Variants in PLEKHM2 observed in about 807,000 individuals in gnomAD.
The protein encoded by PLEKHM2 is pleckstrin homology domain-containing family M member 2.
Under a neutral mutation model 116.3 loss-of-function variants are expected in PLEKHM2, and 77 were observed. The ratio of observed to expected loss-of-function variants is 0.66; its 90% CI spans 0.55 to 0.80. The LOEUF (loss-of-function observed/expected upper bound fraction) is 0.80. Ranked by LOEUF, PLEKHM2 falls within the 30% of genes least tolerant of loss-of-function variation. The probability of loss-of-function intolerance (pLI) is 0.00; values close to 1 mark genes in which losing one functional copy is unlikely to be tolerated. For synonymous variants in PLEKHM2, 562 were observed against 571.0 expected, an observed-to-expected ratio of 0.98 and a Z score of 0.22; for missense variants, 1,183 against 1,354.9, an observed-to-expected ratio of 0.87 and a Z score of 1.99.
In PLEKHM2 at chr1:15,719,777, A is replaced by G; in HGVS notation, c.509A>G (p.Tyr170Cys). 7 of 1,613,622 alleles carry G rather than the reference A, an allele frequency of 4.3e-6. No homozygotes were observed. The highest frequency in any genetic ancestry group is 5.9e-6 in the Non-Finnish European group (7 of 1,179,718). The change falls in exon 6 of 20, where the codon TAC becomes TGC. Residue 170 changes from tyrosine to cysteine, a missense_variant. Tyr to Cys is a radical substitution (Grantham distance 194). This residue lies in a region of PLEKHM2 where 217 missense variants were observed against 277.6 expected (regional missense o/e 0.78). Transcript: ENST00000375799. This position sits in a 1 kb window ranked among gnomAD's most constrained non-coding sequence, Gnocchi z 4.1. ...LDLAPYMPDY[Y>C]KPQYLLDFED... ...CTGGCCCCCTACATGCCCGACTACT[A>G]CAAACCTCAGTACCTGCTGGACTTT...
intron 1 of PLEKHM2, among the ~76,000 whole-genome samples, chr1:15,689,594 T>C (rs1640847379): frequency 6.6e-6 from 1 of 152,228 alleles, no homozygotes; most frequent in South Asian, 2.1e-4. Flanking sequence ...CTTCTACTAA[T>C]GCTATAATGA....
rs1344560913 is a variant in PLEKHM2, at chr1:15,725,398, C to T, written c.794C>T (p.Pro265Leu). Reference sequence around the variant, plus strand: ...AGCAGCAAGGCCTCCACCAGGAGCCCCACCCAGCGCCAGAACCCCTTCAAC... The same window carrying T: ...AGCAGCAAGGCCTCCACCAGGAGCCTCACCCAGCGCCAGAACCCCTTCAAC... Reference protein sequence around the residue: ...LTSSKASTRSPTQRQNPFNEE... With the variant: ...LTSSKASTRSLTQRQNPFNEE... Residue 265 changes from proline to leucine, a missense_variant, in exon 8 of 20, where the codon CCC (proline) becomes CTC (leucine). This residue lies in a region of PLEKHM2 where 372 missense variants were observed against 357.2 expected (regional missense o/e 1.04). Transcript: ENST00000375799. 16 of 1,552,630 alleles carry T rather than the reference C, an allele frequency of 1.0e-5. No individual in the cohort carries two copies. Among genetic ancestry groups the T allele is most frequent in the African/African-American group, 1.4e-5 (1 of 73,086 alleles).
intron 6 of PLEKHM2, chr1:15,720,308 T>C: frequency 2.0e-6 from 2 of 984,718 alleles, no homozygotes; most frequent in Non-Finnish European, 2.4e-6. Flanking sequence ...CCCCACATTC[T>C]TTGCAGAAGG....
At chr1:15,702,717 C>CTT (rs34226783) in intron 1 of PLEKHM2, among the ~76,000 whole-genome samples, 13 of 89,920 alleles carry the variant, frequency 1.4e-4, no homozygotes, top group Non-Finnish European at 2.1e-4. Context: ...CGTGCCCAGC[C>CTT]TTTTTTTTTT....
rs537713478 is a variant in PLEKHM2 at position 15,719,276 on chromosome 1, C to T, written c.466-458C>T. Among the ~76,000 whole-genome samples the T allele has an allele frequency of 6.6e-6, 1 of 152,116 alleles. No homozygotes were observed. Among genetic ancestry groups the T allele is most frequent in the Non-Finnish European group, 1.5e-5 (1 of 68,034 alleles). On this transcript the variant is annotated intron_variant, in intron 5 of 19. Coordinates refer to ENST00000375799, the MANE Select transcript of PLEKHM2 (RefSeq NM_015164.4). The surrounding 1 kb of genome is among the most constrained non-coding windows in gnomAD (Gnocchi z 4.1). ...ACCAGCCTGGCCAACATGGCGAAACCTCGTCTCTACTAAAAAAATACAAAA... is the reference window on the plus strand; with the variant it reads ...ACCAGCCTGGCCAACATGGCGAAACTTCGTCTCTACTAAAAAAATACAAAA...
In PLEKHM2 at chr1:15,684,453, C is replaced by G; in HGVS notation, c.-106C>G. 1 of 589,238 alleles carries G rather than the reference C, an allele frequency of 1.7e-6. No individual in the cohort carries two copies. Among genetic ancestry groups the G allele is most frequent in the Non-Finnish European group, 2.1e-6 (1 of 469,890 alleles). The allele number at this position is 589,238 out of a possible 1,614,324, so 36.5% of individuals were successfully genotyped here. A position where few individuals can be genotyped will look rare whatever the true frequency, so the allele number is the denominator to read the frequency against. On this transcript the variant is annotated 5_prime_UTR_variant, in exon 1 of 20. Transcript: ENST00000375799. ...CGGCCGGCACGACGGAGCCCCCGTA[C>G]GGCCGGCGGCAGCGGTTGGCGGCGG...
intron 1 of PLEKHM2, among the ~76,000 whole-genome samples, chr1:15,707,267 T>C (rs939004057): frequency 9.1e-6 from 1 of 110,004 alleles, no homozygotes; most frequent in Non-Finnish European, 1.7e-5. Flanking sequence ...ACAAAAAAAA[T>C]ACAAAAAAAA....
In PLEKHM2 at chr1:15,729,015, C is replaced by G. The variant is rs1275222894; in HGVS notation, c.1987-87C>G. On this transcript the variant is annotated intron_variant, in intron 12 of 19. Coordinates refer to ENST00000375799, the MANE Select transcript of PLEKHM2 (RefSeq NM_015164.4). This position sits in a 1 kb window ranked among gnomAD's most constrained non-coding sequence, Gnocchi z 4.7. ...TGGCCCGGGGTGTGCTTCTTCCTCC[C>G]CAGCAAGCGCTCAGCCTGGCCAAGC... is the stretch of plus-strand genomic sequence containing the variant. The G allele has an allele frequency of 7.9e-7, 1 of 1,265,186 alleles. No individual in the cohort carries two copies. The highest frequency in any genetic ancestry group is 1.1e-6 in the Non-Finnish European group (1 of 889,082). 78.4% of individuals were successfully genotyped at this position (1,265,186 alleles called of 1,614,324 possible).
In PLEKHM2 at chr1:15,729,416, G is replaced by A. The variant is rs1217540535; in HGVS notation, c.2075+226G>A. Reference sequence around the variant, plus strand: ...TGACCTCAGCCCCTGGCGACTCTTGGGGGTGCTAGCATGAGTTGTTGGACA... The same window carrying A: ...TGACCTCAGCCCCTGGCGACTCTTGAGGGTGCTAGCATGAGTTGTTGGACA... On this transcript the variant is annotated intron_variant, in intron 13 of 19. Transcript: ENST00000375799. The surrounding 1 kb of genome is among the most constrained non-coding windows in gnomAD (Gnocchi z 4.7). 1.3e-5 allele frequency among the ~76,000 whole-genome samples: 2 copies of A among 152,140 alleles called. No homozygotes were observed. The highest frequency in any genetic ancestry group is 2.4e-5 in the African/African-American group (1 of 41,418).
chr1:15,725,515 C>T lies in PLEKHM2; in HGVS notation c.911C>T (p.Pro304Leu), dbSNP rs1053888190. ...EKEEAQALDPPDACTELEVIR... is the reference protein window; with the variant it reads ...EKEEAQALDPLDACTELEVIR... ...GAGGAGGCCCAGGCCCTGGACCCGC[C>T]GGATGCCTGCACGGAGCTCGAGGTC... Residue 304 changes from proline (P) to leucine (L), a missense_variant, in exon 8 of 20, where the codon CCG becomes CTG. Physicochemically the swap from Pro to Leu is moderately conservative, Grantham distance 98 (BLOSUM62 -3). Around this residue, in one of 3 missense-constraint regions of PLEKHM2, gnomAD observed 372 missense variants for 357.2 expected, o/e 1.04. Coordinates refer to ENST00000375799, the MANE Select transcript of PLEKHM2 (RefSeq NM_015164.4). 2.7e-5 allele frequency: 43 copies of T among 1,573,512 alleles called. 1 individual carries two copies. Among genetic ancestry groups the T allele is most frequent in the East Asian group, 1.9e-4 (8 of 42,210 alleles).
chr1:15,719,911 T>C lies in PLEKHM2; in HGVS notation c.643T>C (p.Ser215Pro). 1 of 1,612,686 alleles carries C rather than the reference T, an allele frequency of 6.2e-7. No individual in the cohort carries two copies. The highest frequency in any genetic ancestry group is 8.5e-7 in the Non-Finnish European group (1 of 1,179,254). The change falls in exon 6 of 20, where the codon TCT becomes CCT. Residue 215 changes from serine to proline, a missense_variant. Physicochemically the swap from Ser to Pro is moderately conservative, Grantham distance 74. Coordinates refer to ENST00000375799, the MANE Select transcript of PLEKHM2 (RefSeq NM_015164.4). This position sits in a 1 kb window ranked among gnomAD's most constrained non-coding sequence, Gnocchi z 4.1. ...GTGGGATGACAGTGCGATTGCCCCA[T>C]CTAGTGAGGGTGAGTGGCCCCAGGG... is the stretch of plus-strand genomic sequence containing the variant. ...LEWDDSAIAP[S>P]SEDYDFGDVF...
chr1:15,716,220 G>GTTTTTTTTTTTTT lies in PLEKHM2; in HGVS notation c.61-8_61-7insTTTTTTTTTTTTT. On this transcript the variant is annotated splice_polypyrimidine_tract_variant and intron_variant, in intron 1 of 19. Transcript: ENST00000375799. ...CTTAATCCATTTCTGATTTGGAGGTGTTTTTTTTTCTTTCAGTTGCAGAGC... is the reference window on the plus strand; with the variant it reads ...CTTAATCCATTTCTGATTTGGAGGTGTTTTTTTTTTTTTTTTTTTTTTCTTTCAGTTGCAGAGC... 7.2e-7 allele frequency: 1 copy of GTTTTTTTTTTTTT among 1,383,172 alleles called. No homozygotes were observed. Among genetic ancestry groups the GTTTTTTTTTTTTT allele is most frequent in the African/African-American group, 1.5e-5 (1 of 67,416 alleles). 85.7% of individuals were successfully genotyped at this position (1,383,172 alleles called of 1,614,324 possible).
Position 15,730,573 on chromosome 1 carries a change from G to T in PLEKHM2, c.2250G>T (p.Trp750Cys). ...VTVRFYGLVH[W>C]EDPTDESLGP... ...TGCGCTTCTACGGCCTTGTGCACTG[G>T]GAGGACCCCACAGACGAGTCCCTGG... Residue 750 changes from tryptophan to cysteine, a missense_variant, in exon 15 of 20, where the codon TGG (tryptophan) becomes TGT (cysteine). Around this residue, in one of 3 missense-constraint regions of PLEKHM2, gnomAD observed 594 missense variants for 720.1 expected, o/e 0.82. Coordinates refer to ENST00000375799, the MANE Select transcript of PLEKHM2 (RefSeq NM_015164.4). The T allele has an allele frequency of 1.2e-6, 2 of 1,603,914 alleles. No homozygotes were observed. Among genetic ancestry groups the T allele is most frequent in the Non-Finnish European group, 1.7e-6 (2 of 1,176,032 alleles).
Position 15,725,414 on chromosome 1 carries a change from C to G in PLEKHM2, c.810C>G (p.Asn270Lys), listed in dbSNP as rs750686751. The change falls in exon 8 of 20, where the codon AAC becomes AAG. Residue 270 changes from asparagine to lysine, a missense_variant. By Grantham distance (94) the Asn-to-Lys change is moderately conservative (BLOSUM62 0). Transcript: ENST00000375799. ...CCAGGAGCCCCACCCAGCGCCAGAACCCCTTCAACGAGGAGCCGGCAGAGA... is the reference window on the plus strand; with the variant it reads ...CCAGGAGCCCCACCCAGCGCCAGAAGCCCTTCAACGAGGAGCCGGCAGAGA... Reference protein sequence around the residue: ...ASTRSPTQRQNPFNEEPAETV... With the variant: ...ASTRSPTQRQKPFNEEPAETV... The G allele has an allele frequency of 6.4e-7, 1 of 1,555,522 alleles. No individual in the cohort carries two copies. Among genetic ancestry groups the G allele is most frequent in the Non-Finnish European group, 8.7e-7 (1 of 1,149,618 alleles).
At position 15,706,265 on chromosome 1, in the gene PLEKHM2, C is replaced by T. The variant is rs1557647393; in HGVS notation, c.61-9972C>T. Among the ~76,000 whole-genome samples, 4 of 152,258 alleles carry T rather than the reference C, an allele frequency of 2.6e-5. 1 individual carries two copies. The East Asian group carries it at 7.7e-4, about 29-fold the overall frequency. On this transcript the variant is annotated intron_variant, in intron 1 of 19. Coordinates refer to ENST00000375799, the MANE Select transcript of PLEKHM2 (RefSeq NM_015164.4). ...TCTTGACCTCATCTCATGCTGCTCA[C>T]CCCTCACTCCCTGAGCTCCAGCCAC...
At chr1:15,687,864 G>A (rs536162617) in intron 1 of PLEKHM2, among the ~76,000 whole-genome samples, 2 of 152,244 alleles carry the variant, frequency 1.3e-5, no homozygotes, top group African/African-American at 4.8e-5. Context: ...CCTACCACCA[G>A]TAAATGGTCT....
upstream of PLEKHM2, among the ~76,000 whole-genome samples, chr1:15,682,026 G>A (rs1436085610): frequency 3.3e-5 from 5 of 152,064 alleles, no homozygotes; most frequent in East Asian, 7.8e-4. Flanking sequence ...GTAACAGAGC[G>A]AGGCCCTGTC....
At chr1:15,683,769 G>T (rs1472750631), upstream of PLEKHM2, among the ~76,000 whole-genome samples, 1 of 149,746 alleles carries the variant, frequency 6.7e-6, no homozygotes, top group Non-Finnish European at 1.5e-5. Flanking sequence ...TGAGGTCCCA[G>T]GGGGGAGTCT....
At position 15,733,941 on chromosome 1, in the gene PLEKHM2, G is replaced by A. The variant is rs1329272068; in HGVS notation, c.*7G>A. The A allele has an allele frequency of 4.3e-6, 7 of 1,609,320 alleles. No individual in the cohort carries two copies. Among genetic ancestry groups the A allele is most frequent in the East Asian group, 2.2e-5 (1 of 44,786 alleles). On this transcript the variant is annotated 3_prime_UTR_variant, in exon 20 of 20. Coordinates refer to ENST00000375799, the MANE Select transcript of PLEKHM2 (RefSeq NM_015164.4). The stretch of plus-strand genomic sequence containing the variant: ...CCGAGACCCCTGGTGCTGAGGCAGA[G>A]CTGGTTGGCGTCCCTGGTGGGCAGG...
Sources: gnomAD v4.1 joint callset for allele counts (sites outside exome capture counted in the v4.1 genomes callset) on GRCh38, gnomAD v4.1.1 for gene constraint, gnomAD v4.1.1 regional missense constraint, Gnocchi (gnomAD v3.1) non-coding constraint, MANE v1.5 for transcripts, NCBI Gene and HGNC (gene_info 2026-07-23, HGNC 2026-07-21) for gene names.